Variants in RBFOX1 observed in about 807,000 individuals in gnomAD.
The protein encoded by RBFOX1 is RNA binding fox-1 homolog 1.
In RBFOX1, 8 loss-of-function variants were observed where a neutral mutation model predicts 57.7. The observed-to-expected ratio is 0.14, with a 90% confidence interval of 0.08 to 0.25. The LOEUF (loss-of-function observed/expected upper bound fraction) is 0.25, where lower values mean the gene tolerates loss of function less well. Among genes scored for constraint, RBFOX1 ranks in the 10% least tolerant of loss-of-function variants. The pLI is 1.00. For synonymous variants in RBFOX1, 326 were observed against 222.4 expected (o/e 1.47, Z -4.15); for missense variants, 611 against 548.5 (o/e 1.11, Z -1.14).
At chr16:7,676,878 ATTAAC>A in intron 14 of RBFOX1, 40 bp downstream of exon 14, 1 of 1,553,126 alleles carries the variant, frequency 6.4e-7, no homozygotes, top group Non-Finnish European at 8.9e-7. Context: ...CTACTTGTAA[ATTAAC>A]TTAGTTGATG....
rs991563452 is a variant in RBFOX1 at position 6,790,657 on chromosome 16, T to C, written c.-16+136007T>C. On this transcript the variant is annotated intron_variant, in intron 3 of 15. Coordinates refer to ENST00000550418, the MANE Select transcript of RBFOX1 (RefSeq NM_018723.4). Reference sequence around the variant, plus strand: ...TTAGGACTCTGAGCTTCCTGTTCTGTCTGTCATTATTTTCACTTGTATGGT... The same window carrying C: ...TTAGGACTCTGAGCTTCCTGTTCTGCCTGTCATTATTTTCACTTGTATGGT... 7.2e-5 allele frequency among the ~76,000 whole-genome samples: 11 copies of C among 152,166 alleles called. 1 individual carries two copies. The highest frequency in any genetic ancestry group is 1.9e-4 in the African/African-American group (8 of 41,438).
intron 1 of RBFOX1, among the ~76,000 whole-genome samples, chr16:6,066,803 C>G (rs926666418): frequency 2.6e-5 from 4 of 152,174 alleles, no homozygotes; most frequent in Non-Finnish European, 5.9e-5. Context: ...CTCAGAGTCT[C>G]TCTGCTCATT....
At chr16:7,427,592 C>CTCTT (rs956445549) in intron 4 of RBFOX1, among the ~76,000 whole-genome samples, 2 of 151,380 alleles carry the variant, frequency 1.3e-5, no homozygotes, top group Non-Finnish European at 3.0e-5. Context: ...GCTAATTTAA[C>CTCTT]TCTTTCTTTC....
chr16:6,907,170 G>A (rs964611633), intron 3 of RBFOX1, among the ~76,000 whole-genome samples: 1 of 152,150 alleles, frequency 6.6e-6, no homozygotes, highest in African/African-American at 2.4e-5. Context: ...ACTTGGCAGG[G>A]GAGTATGTCC....
intron 1 of RBFOX1, among the ~76,000 whole-genome samples, chr16:6,202,416 A>G (rs1281598380): frequency 6.6e-6 from 1 of 152,136 alleles, no homozygotes; most frequent in Non-Finnish European, 1.5e-5. Flanking sequence ...GAGGTTATTC[A>G]ATCCATCTTC....
At chr16:6,230,273 C>T (rs1256339250) in intron 1 of RBFOX1, among the ~76,000 whole-genome samples, 2 of 151,938 alleles carry the variant, frequency 1.3e-5, no homozygotes, top group East Asian at 1.9e-4. Flanking sequence ...TGGACACTTA[C>T]TATATGCTTG....
At chr16:5,401,332 C>A (rs2066708098) in intron 1 of RBFOX1, among the ~76,000 whole-genome samples, 1 of 152,034 alleles carries the variant, frequency 6.6e-6, no homozygotes, top group South Asian at 2.1e-4. Context: ...TCCTTTTCTT[C>A]TTGGTTTGTG....
intron 1 of RBFOX1, among the ~76,000 whole-genome samples, chr16:6,036,168 AC>A (rs1338986029): frequency 6.6e-6 from 1 of 152,210 alleles, no homozygotes; most frequent in Non-Finnish European, 1.5e-5. Flanking sequence ...TCAGCAAAGA[AC>A]ATTGAGAAGC....
chr16:6,575,547 A>G (rs1476759679), intron 2 of RBFOX1, among the ~76,000 whole-genome samples: 1 of 147,796 alleles, frequency 6.8e-6, no homozygotes, highest in Non-Finnish European at 1.5e-5. Context: ...CATGTGAACC[A>G]TACATACATT....
At chr16:6,644,341 T>G (rs1479043049) in intron 2 of RBFOX1, among the ~76,000 whole-genome samples, 1 of 152,272 alleles carries the variant, frequency 6.6e-6, no homozygotes, top group Non-Finnish European at 1.5e-5. Flanking sequence ...GAATGCTTTT[T>G]GGAGTGTGAT....
rs1596603027 is a variant in RBFOX1 at position 5,347,745 on chromosome 16, C to A, written c.219+107640C>A. 2.7e-5 allele frequency among the ~76,000 whole-genome samples: 4 copies of A among 150,488 alleles called. No homozygotes were observed. The South Asian group carries it at 6.4e-4, about 24-fold the overall frequency. Reference sequence around the variant, plus strand: ...TCATCCTCCCATCCACCCCTGCCCACCCGTCAACCCATCCACCCACACTTC... The same window carrying A: ...TCATCCTCCCATCCACCCCTGCCCAACCGTCAACCCATCCACCCACACTTC... On this transcript the variant is annotated intron_variant, in intron 1 of 2. Transcript: ENST00000585867.
At chr16:6,264,003 C>G (rs2097717581) in intron 1 of RBFOX1, among the ~76,000 whole-genome samples, 1 of 152,086 alleles carries the variant, frequency 6.6e-6, no homozygotes, top group Non-Finnish European at 1.5e-5. Context: ...AAGGATTTAC[C>G]TTAGGTAAAT....
intron 3 of RBFOX1, among the ~76,000 whole-genome samples, chr16:6,844,521 T>C (rs558543401): frequency 5.9e-5 from 9 of 152,326 alleles, no homozygotes; most frequent in East Asian, 1.9e-4. Context: ...CCTTATTCTT[T>C]TTTATGGCTG....
In RBFOX1 at chr16:6,636,262, C is replaced by T. The variant is rs537335040; in HGVS notation, c.-63-18341C>T. Among the ~76,000 whole-genome samples the T allele has an allele frequency of 1.1e-3, 173 of 152,220 alleles. 1 individual carries two copies. The highest frequency in any genetic ancestry group is 3.8e-3 in the African/African-American group (157 of 41,542). On this transcript the variant is annotated intron_variant, in intron 2 of 15. Transcript: ENST00000550418. ...CTCGGCTCACTGCAAGCTCTGCCTC[C>T]CGGGTTCATGCCATTCTCCTGCCTC...
chr16:7,415,468 A>C (rs2098469384), intron 4 of RBFOX1, among the ~76,000 whole-genome samples: 1 of 152,190 alleles, frequency 6.6e-6, no homozygotes, highest in Non-Finnish European at 1.5e-5. Flanking sequence ...GTAACGGACC[A>C]ACCTATGGAG....
intron 1 of RBFOX1, among the ~76,000 whole-genome samples, chr16:6,253,369 C>T (rs2097637229): frequency 6.6e-6 from 1 of 152,170 alleles, no homozygotes; most frequent in African/African-American, 2.4e-5. Flanking sequence ...GGCTACGCAA[C>T]TTGCATGCAT....
chr16:5,544,479 A>G (rs1287900756), intron 2 of RBFOX1, among the ~76,000 whole-genome samples: 4 of 152,210 alleles, frequency 2.6e-5, no homozygotes, highest in African/African-American at 9.7e-5. Context: ...ATTTCACTCT[A>G]AGAGACTAGA....
At chr16:6,540,388 T>A (rs948558473) in intron 2 of RBFOX1, among the ~76,000 whole-genome samples, 1 of 150,960 alleles carries the variant, frequency 6.6e-6, no homozygotes, top group South Asian at 2.1e-4. Flanking sequence ...CTGAGCTGGG[T>A]GGGTTACAAG....
intron 3 of RBFOX1, among the ~76,000 whole-genome samples, chr16:5,748,649 C>A (rs554416528): frequency 6.6e-6 from 1 of 152,096 alleles, no homozygotes; most frequent in Non-Finnish European, 1.5e-5. Context: ...CTCTTTTGAT[C>A]TTTGTTGGTT....
Sources: allele counts gnomAD v4.1 joint callset (sites outside exome capture counted in the v4.1 genomes callset), GRCh38; gene constraint gnomAD v4.1.1; transcripts MANE v1.5; gene names NCBI Gene and HGNC (gene_info 2026-07-23, HGNC 2026-07-21).